The following SPATA31A6 variants were observed in gnomAD, a reference collection of about 807,000 sequenced individuals.
SPATA31A6 encodes spermatogenesis-associated protein 31A6.
In SPATA31A6, 9 loss-of-function variants were observed where a neutral mutation model predicts 11.9. The observed-to-expected ratio is 0.76, with a 90% CI of 0.46 to 1.32. SPATA31A6 has a LOEUF of 1.32. Among genes scored for constraint, SPATA31A6 ranks in the 40% most tolerant of loss-of-function variants. The probability of loss-of-function intolerance (pLI) is 0.00; values close to 1 mark genes in which losing one functional copy is unlikely to be tolerated. For synonymous variants in SPATA31A6, 314 were observed against 572.1 expected, an observed-to-expected ratio of 0.55 and a Z score of 6.44; for missense variants, 855 against 1,467.3, an observed-to-expected ratio of 0.58 and a Z score of 6.82.
chr9:42,186,562 C>T lies in SPATA31A6; in HGVS notation c.860C>T (p.Ala287Val), dbSNP rs575466485. The T allele has an allele frequency of 7.2e-6, 11 of 1,525,278 alleles. 1 individual carries two copies. The African/African-American group carries it at 1.3e-4, about 18-fold the overall frequency. 94.5% of individuals were successfully genotyped at this position (1,525,278 alleles called of 1,614,324 possible). A position where few individuals can be genotyped will look rare whatever the true frequency, so the allele number is the denominator to read the frequency against. The change falls in exon 4 of 4, where the codon GCC becomes GTC. Residue 287 changes from alanine (A) to valine (V), a missense_variant. By Grantham distance (64) the Ala-to-Val change is moderately conservative. Coordinates refer to ENST00000332857, the MANE Select transcript of SPATA31A6 (RefSeq NM_001145196.1). ...GCCTCCTCCCGGTGGCAGGAGACTG[C>T]CAGAACCTCGTGCGCCTTTAACTCA... ...VSASSRWQETARTSCAFNSSV... is the reference protein window; with the variant it reads ...VSASSRWQETVRTSCAFNSSV...
chr9:42,184,523 T>TTTATTTTATTTTATTTTA lies in SPATA31A6; in HGVS notation c.190-543_190-526dup, dbSNP rs1458406903. On this transcript the variant is annotated intron_variant, in intron 1 of 3. Coordinates refer to ENST00000332857, the MANE Select transcript of SPATA31A6 (RefSeq NM_001145196.1). ...TGTGTGTTATTTTATTTTATTTTAT[T>TTTATTTTATTTTATTTTA]TTATTTTATTTTATTTTATTTTTTG... Among the ~76,000 whole-genome samples, 24 of 125,834 alleles carry TTTATTTTATTTTATTTTA rather than the reference T, an allele frequency of 1.9e-4. 1 individual carries two copies. In the South Asian group the frequency reaches 6.0e-3, roughly 31 times the overall value. 82.6% of individuals were successfully genotyped at this position (125,834 alleles called of 152,430 possible).
rs1481825992 is a variant in SPATA31A6 at position 42,184,535 on chromosome 9, T to TATTTTATTTA, written c.190-525_190-524insAATTTTATTT. On this transcript the variant is annotated intron_variant, in intron 1 of 3. Coordinates refer to ENST00000332857, the MANE Select transcript of SPATA31A6 (RefSeq NM_001145196.1). ...TATTTTATTTTATTTTATTTTATTT[T>TATTTTATTTA]ATTTTATTTTTTGAGATGGAGTCTC... Among the ~76,000 whole-genome samples the TATTTTATTTA allele has an allele frequency of 8.1e-4, 105 of 130,364 alleles. 18 individuals carry two copies. Among genetic ancestry groups the TATTTTATTTA allele is most frequent in the African/African-American group, 3.3e-3 (100 of 30,052 alleles). The allele number at this position is 130,364 out of a possible 152,430, so 85.5% of individuals were successfully genotyped here. A position where few individuals can be genotyped will look rare whatever the true frequency, so the allele number is the denominator to read the frequency against.
intron 1 of SPATA31A6, among the ~76,000 whole-genome samples, chr9:42,184,417 G>A (rs1266101622): frequency 7.8e-5 from 10 of 128,962 alleles, no homozygotes; most frequent in African/African-American, 2.9e-4. Context: ...TGTCCGTGGT[G>A]GACCTCATAT....
rs752279504 is a variant in SPATA31A6, at chr9:42,185,028, C to A, written c.190-41C>A. 3 of 1,532,512 alleles carry A rather than the reference C, an allele frequency of 2.0e-6. No individual in the cohort carries two copies. In the South Asian group the frequency reaches 3.5e-5, roughly 18 times the overall value. 94.9% of individuals were successfully genotyped at this position (1,532,512 alleles called of 1,614,324 possible). ...CTTGTCTCCCATTGTCATCTTGTCTCTCCGCGTCATCTTGTCTCCGTACGT... is the reference window on the plus strand; with the variant it reads ...CTTGTCTCCCATTGTCATCTTGTCTATCCGCGTCATCTTGTCTCCGTACGT... On this transcript the variant is annotated intron_variant, in intron 1 of 3. Coordinates refer to ENST00000332857, the MANE Select transcript of SPATA31A6 (RefSeq NM_001145196.1).
At position 42,189,256 on chromosome 9, in the gene SPATA31A6, G is replaced by A; in HGVS notation, c.3554G>A (p.Ser1185Asn). The change falls in exon 4 of 4, where the codon AGC (serine) becomes AAC (asparagine). Residue 1185 changes from serine (S) to asparagine (N), a missense_variant. Transcript: ENST00000332857. The part of the protein sequence containing the change: ...KSKPAPVTAE[S>N]QKTVKNRSCV... ...AAGCCAGCACCAGTCACTGCTGAGA[G>A]CCAAAAAACAGTAAAAAACAGATCA... 2.6e-6 allele frequency: 4 copies of A among 1,558,622 alleles called. No individual in the cohort carries two copies. Among genetic ancestry groups the A allele is most frequent in the Non-Finnish European group, 2.6e-6 (3 of 1,149,586 alleles).
chr9:42,186,650 C>A lies in SPATA31A6; in HGVS notation c.948C>A (p.Ser316Arg), dbSNP rs748225059. Residue 316 changes from serine (S) to arginine (R), a missense_variant, in exon 4 of 4, where the codon AGC (serine) becomes AGA (arginine). Coordinates refer to ENST00000332857, the MANE Select transcript of SPATA31A6 (RefSeq NM_001145196.1). ...AGACCTGTCAGATGGAAGCTGGTAG[C>A]CTGTTTTTGCTCAGCTCTGATGGCC... ...PPETCQMEAG[S>R]LFLLSSDGQN... 1 of 1,531,862 alleles carries A rather than the reference C, an allele frequency of 6.5e-7. No homozygotes were observed. The allele number at this position is 1,531,862 out of a possible 1,614,324, so 94.9% of individuals were successfully genotyped here.
rs1467387112 is a variant in SPATA31A6 at position 42,187,416 on chromosome 9, C to A, written c.1714C>A (p.Leu572Ile). The change falls in exon 4 of 4, where the codon CTT becomes ATT. Residue 572 changes from leucine (L) to isoleucine (I), a missense_variant. Transcript: ENST00000332857. Reference protein sequence around the residue: ...QDVFSVSTPNLPQESLTSILP... With the variant: ...QDVFSVSTPNIPQESLTSILP... ...CGTCTTTAGTGTCTCCACTCCTAACCTTCCCCAGGAAAGTTTGACATCCAT... is the reference window on the plus strand; with the variant it reads ...CGTCTTTAGTGTCTCCACTCCTAACATTCCCCAGGAAAGTTTGACATCCAT... 20 of 1,527,654 alleles carry A rather than the reference C, an allele frequency of 1.3e-5. 3 individuals are homozygous for A. The highest frequency in any genetic ancestry group is 1.8e-5 in the Non-Finnish European group (20 of 1,134,508). The allele number at this position is 1,527,654 out of a possible 1,614,324, so 94.6% of individuals were successfully genotyped here. A position where few individuals can be genotyped will look rare whatever the true frequency, so the allele number is the denominator to read the frequency against.
chr9:42,185,152 A>T (rs756431384), intron 2 of SPATA31A6, 26 bp downstream of exon 2: 2 of 1,542,524 alleles, frequency 1.3e-6, no homozygotes, highest in South Asian at 2.3e-5. Flanking sequence ...AGCACACTAG[A>T]GTTAATTTGA....
rs570588330 is a variant in SPATA31A6 at position 42,184,625 on chromosome 9, G to C, written c.190-444G>C. 1.5e-5 allele frequency among the ~76,000 whole-genome samples: 2 copies of C among 135,924 alleles called. 1 individual carries two copies. 89.2% of individuals were successfully genotyped at this position (135,924 alleles called of 152,430 possible). On this transcript the variant is annotated intron_variant, in intron 1 of 3. Transcript: ENST00000332857. Reference sequence around the variant, plus strand: ...GCTCACTGCAACCTCTGCTTCCCGAGTTCAAGCGATTCTCCTGTCTTAGCG... The same window carrying C: ...GCTCACTGCAACCTCTGCTTCCCGACTTCAAGCGATTCTCCTGTCTTAGCG...
Position 42,189,172 on chromosome 9 carries a change from G to C in SPATA31A6, c.3470G>C (p.Ser1157Thr), listed in dbSNP as rs772806538. 1 of 1,544,152 alleles carries C rather than the reference G, an allele frequency of 6.5e-7. No individual in the cohort carries two copies. The highest frequency in any genetic ancestry group is 2.4e-5 in the East Asian group (1 of 42,090). The change falls in exon 4 of 4, where the codon AGC (serine) becomes ACC (threonine). Residue 1157 changes from serine (S) to threonine (T), a missense_variant. Transcript: ENST00000332857. ...TCAAAGAAACAGCCTCCTTCAGTAA[G>C]CCACTTTGGAGAAAACATCAAGCAA... is the stretch of plus-strand genomic sequence containing the variant. ...LPSKKQPPSV[S>T]HFGENIKQFF...
In SPATA31A6 at chr9:42,185,477, G is replaced by C. The variant is rs1829429167; in HGVS notation, c.248-218G>C. The C allele has an allele frequency of 5.0e-6, 4 of 798,358 alleles. 1 individual carries two copies. In the South Asian group the frequency reaches 5.3e-5, roughly 11 times the overall value. The allele number at this position is 798,358 out of a possible 1,614,324, so 49.5% of individuals were successfully genotyped here. A position where few individuals can be genotyped will look rare whatever the true frequency, so the allele number is the denominator to read the frequency against. On this transcript the variant is annotated intron_variant, in intron 2 of 3. Coordinates refer to ENST00000332857, the MANE Select transcript of SPATA31A6 (RefSeq NM_001145196.1). Reference sequence around the variant, plus strand: ...TCCCCACAGGGCAGTTGTGAGGACTGTGGGGGTGGGGGGTCCGTGTGTGGA... The same window carrying C: ...TCCCCACAGGGCAGTTGTGAGGACTCTGGGGGTGGGGGGTCCGTGTGTGGA...
intron 1 of SPATA31A6, 138 bp downstream of exon 1, chr9:42,184,014 G>T: frequency 2.9e-6 from 4 of 1,394,754 alleles, no homozygotes; most frequent in South Asian, 1.3e-5. Context: ...TCCTTCCAGG[G>T]AGAGGCAGGG....
rs1314305998 is a variant in SPATA31A6 at position 42,186,844 on chromosome 9, C to A, written c.1142C>A (p.Pro381His). 7.2e-6 allele frequency: 11 copies of A among 1,535,460 alleles called. No homozygotes were observed. In the East Asian group the frequency reaches 1.7e-4, roughly 23 times the overall value. ...GAGCAGGACACCACAAACCCAAAAC[C>A]CTTCTGGAACATGGGAGAGAACTCG... ...DAEQDTTNPK[P>H]FWNMGENSKQ... The change falls in exon 4 of 4, where the codon CCC becomes CAC. Residue 381 changes from proline to histidine, a missense_variant. Pro to His is a moderately conservative substitution (Grantham distance 77). Transcript: ENST00000332857.
At position 42,184,969 on chromosome 9, in the gene SPATA31A6, G is replaced by A; in HGVS notation, c.190-100G>A. The stretch of plus-strand genomic sequence containing the variant: ...AGCATGCTGCGGCTGGGCTGGAGCA[G>A]AGAGGGAGAGCCAGTCCTAGCTTCT... On this transcript the variant is annotated intron_variant, in intron 1 of 3. Transcript: ENST00000332857. The A allele has an allele frequency of 2.9e-6, 4 of 1,388,292 alleles. 1 individual carries two copies. The highest frequency in any genetic ancestry group is 4.0e-6 in the Non-Finnish European group (4 of 1,010,156). The allele number at this position is 1,388,292 out of a possible 1,614,324, so 86.0% of individuals were successfully genotyped here. A position where few individuals can be genotyped will look rare whatever the true frequency, so the allele number is the denominator to read the frequency against.
At position 42,187,655 on chromosome 9, in the gene SPATA31A6, G is replaced by C; in HGVS notation, c.1953G>C (p.Glu651Asp). The change falls in exon 4 of 4, where the codon GAG becomes GAC. Residue 651 changes from glutamate (E) to aspartate (D), a missense_variant. By Grantham distance (45) the Glu-to-Asp change is conservative (BLOSUM62 2). Coordinates refer to ENST00000332857, the MANE Select transcript of SPATA31A6 (RefSeq NM_001145196.1). ...CGTCCACAGGTGAAAGCAGCAAGGA[G>C]GCACAGAAGGTGAAGTTCCAGCTAG... is the stretch of plus-strand genomic sequence containing the variant. The part of the protein sequence containing the change: ...SSTSTGESSK[E>D]AQKVKFQLER... The C allele has an allele frequency of 6.6e-7, 1 of 1,512,008 alleles. No homozygotes were observed. The highest frequency in any genetic ancestry group is 8.9e-7 in the Non-Finnish European group (1 of 1,125,590). The allele number at this position is 1,512,008 out of a possible 1,614,324, so 93.7% of individuals were successfully genotyped here.
Position 42,187,346 on chromosome 9 carries a change from A to G in SPATA31A6, c.1644A>G (p.Leu548=), listed in dbSNP as rs113485434. 9.0e-4 allele frequency: 1,383 copies of G among 1,538,118 alleles called. 314 individuals carry two copies. The African/African-American group carries it at 0.019, about 21-fold the overall frequency. Residue 548 remains leucine, a synonymous_variant, in exon 4 of 4, where the codon CTA becomes CTG. Coordinates refer to ENST00000332857, the MANE Select transcript of SPATA31A6 (RefSeq NM_001145196.1). ...AATGGCCTTTGTTGAGGAAACAACT[A>G]GAAGGTAGGTTGGCTTTACCCTCTA... ...HPEWPLLRKQ[L]EGRLALPSRV... is the part of the protein sequence containing the mutation.
At position 42,188,903 on chromosome 9, in the gene SPATA31A6, G is replaced by A. The variant is rs1288419030; in HGVS notation, c.3201G>A (p.Glu1067=). 1 of 1,541,338 alleles carries A rather than the reference G, an allele frequency of 6.5e-7. No individual in the cohort carries two copies. Among genetic ancestry groups the A allele is most frequent in the Non-Finnish European group, 8.8e-7 (1 of 1,138,082 alleles). Residue 1067 remains glutamate (E), a synonymous_variant, in exon 4 of 4, where the codon GAG becomes GAA. Coordinates refer to ENST00000332857, the MANE Select transcript of SPATA31A6 (RefSeq NM_001145196.1). ...MPTGNMRASQ[E]LHDLMAARRS... ...CTGGGAACATGCGGGCTTCCCAGGA[G>A]CTACATGACCTCATGGCAGCCAGAA...
intron 2 of SPATA31A6, 115 bp from the exon 3 acceptor site, chr9:42,185,580 G>A (rs2118849552): frequency 5.2e-6 from 6 of 1,159,200 alleles, no homozygotes; most frequent in Non-Finnish European, 6.2e-6. Context: ...GGACACAGAT[G>A]GGTGGGGTCC....
rs568073464 is a variant in SPATA31A6, at chr9:42,186,993, G to A, written c.1291G>A (p.Ala431Thr). The A allele has an allele frequency of 2.6e-4, 397 of 1,546,062 alleles. 51 individuals carry two copies. The South Asian group carries it at 2.8e-3, about 11-fold the overall frequency. The change falls in exon 4 of 4, where the codon GCC becomes ACC. Residue 431 changes from alanine (A) to threonine (T), a missense_variant. Ala to Thr is a moderately conservative substitution (Grantham distance 58). Transcript: ENST00000332857. ...SLHSESLVAN[A>T]WVTDRSYTLQ... ...GCACAGCGAGTCCCTGGTGGCTAAC[G>A]CCTGGGTAACTGACAGGTCTTATAC...
Sources: allele counts gnomAD v4.1 joint callset (sites outside exome capture counted in the v4.1 genomes callset), GRCh38; gene constraint gnomAD v4.1.1; transcripts MANE v1.5; gene names NCBI Gene and HGNC (gene_info 2026-07-23, HGNC 2026-07-21).